KALRN: variants seen among roughly 807,000 people sequenced by gnomAD.
KALRN encodes the protein kalirin RhoGEF kinase, also known as kalirin.
In KALRN, 70 loss-of-function variants were observed where a neutral mutation model predicts 353.7. That is an observed-to-expected ratio of 0.20 (90% CI 0.16 to 0.24). KALRN has a LOEUF of 0.24. KALRN is among the 10% of genes least tolerant of loss of function. The probability of loss-of-function intolerance (pLI) is 1.00; values close to 1 mark genes in which losing one functional copy is unlikely to be tolerated. For missense variants in KALRN, 2,791 were observed against 3,756.7 expected, an observed-to-expected ratio of 0.74 and a Z score of 6.72; for synonymous variants, 1,391 against 1,434.8, an observed-to-expected ratio of 0.97 and a Z score of 0.69.
chr3:124,304,045 C>T (rs1318479461), intron 6 of KALRN, among the ~76,000 whole-genome samples: 2 of 151,752 alleles, frequency 1.3e-5, no homozygotes, highest in South Asian at 2.1e-4. Context: ...TCTTGGCAGC[C>T]CTAAACCATG....
chr3:124,642,612 G>A (rs1486471074), intron 37 of KALRN, among the ~76,000 whole-genome samples: 1 of 152,080 alleles, frequency 6.6e-6, no homozygotes, highest in Non-Finnish European at 1.5e-5. Flanking sequence ...GCCACAGCCA[G>A]GCTGTATTTG....
At chr3:124,417,867 A>G (rs1290298669) in intron 14 of KALRN, among the ~76,000 whole-genome samples, 1 of 152,234 alleles carries the variant, frequency 6.6e-6, no homozygotes, top group African/African-American at 2.4e-5. Context: ...GGCAACTAGT[A>G]TATTTTGTAC....
intron 5 of KALRN, among the ~76,000 whole-genome samples, chr3:124,272,691 C>A (rs1374026815): frequency 1.3e-5 from 2 of 152,142 alleles, no homozygotes; most frequent in African/African-American, 2.4e-5. Context: ...GAGGTTGAGT[C>A]AGTGGTGAAA....
intron 33 of KALRN, 73 bp downstream of exon 33, chr3:124,496,486 A>G (rs1207217646): frequency 8.1e-6 from 9 of 1,108,730 alleles, no homozygotes; most frequent in African/African-American, 3.1e-5. Flanking sequence ...AGGTACCCCT[A>G]GAGAATTTCT....
chr3:124,488,493 C>T (rs905251702), intron 29 of KALRN, 178 bp downstream of exon 29: 3 of 580,854 alleles, frequency 5.2e-6, no homozygotes, highest in Non-Finnish European at 9.2e-6. Context: ...ACCAATTTGG[C>T]TAGCACCCTG....
chr3:124,071,574 GAGGCTGAGA>G (rs998987744), intron 1 of KALRN, among the ~76,000 whole-genome samples: 1 of 152,190 alleles, frequency 6.6e-6, no homozygotes, highest in Admixed American at 6.5e-5. Context: ...CATAGTTCTG[GAGGCTGAGA>G]AGTCCAAGAT....
rs2084525420 is a variant in KALRN at position 124,659,399 on chromosome 3, T to C, written c.6158T>C (p.Leu2053Pro). 1.9e-6 allele frequency: 3 copies of C among 1,613,944 alleles called. No homozygotes were observed. Among genetic ancestry groups the C allele is most frequent in the Non-Finnish European group, 2.5e-6 (3 of 1,179,808 alleles). The change falls in exon 43 of 60, where the codon CTG (leucine) becomes CCG (proline). Residue 2053 changes from leucine to proline, a missense_variant. Around this residue, in one of 11 missense-constraint regions of KALRN, gnomAD observed 1,065 missense variants for 1,156.4 expected, o/e 0.92. Coordinates refer to ENST00000682506, the MANE Select transcript of KALRN (RefSeq NM_001388419.1). ...CAGGAGATAAATCAGAGGCTGACACTGAGTGACTTCCTCATCAAGCCCATT... is the reference window on the plus strand; with the variant it reads ...CAGGAGATAAATCAGAGGCTGACACCGAGTGACTTCCTCATCAAGCCCATT... The part of the protein sequence containing the change: ...VKQEINQRLT[L>P]SDFLIKPIQR...
At chr3:124,484,004 T>C (rs1435863628) in intron 28 of KALRN, among the ~76,000 whole-genome samples, 2 of 152,266 alleles carry the variant, frequency 1.3e-5, no homozygotes, top group African/African-American at 4.8e-5. Flanking sequence ...TGAAATATCC[T>C]GCTGGTTGCT....
chr3:124,412,218 C>A (rs553293408), intron 13 of KALRN, among the ~76,000 whole-genome samples: 15 of 152,316 alleles, frequency 9.8e-5, no homozygotes, highest in Non-Finnish European at 8.8e-5. Flanking sequence ...CATCGTCTGT[C>A]TCCCTGTGTC....
At chr3:124,337,208 G>T (rs1227571980) in intron 9 of KALRN, among the ~76,000 whole-genome samples, 1 of 152,184 alleles carries the variant, frequency 6.6e-6, no homozygotes, top group Non-Finnish European at 1.5e-5. Context: ...AATAGGAGTG[G>T]TGAGAGAGGG....
intron 33 of KALRN, among the ~76,000 whole-genome samples, chr3:124,500,218 C>T (rs935075703): frequency 2.0e-5 from 3 of 152,140 alleles, no homozygotes; most frequent in African/African-American, 7.2e-5. Flanking sequence ...GAGTGTAGGA[C>T]TACTTTATGT....
At chr3:124,514,058 G>A (rs891129832) in intron 33 of KALRN, among the ~76,000 whole-genome samples, 2 of 152,150 alleles carry the variant, frequency 1.3e-5, no homozygotes, top group African/African-American at 4.8e-5. Flanking sequence ...ACCTGAAAGT[G>A]TGTTTCATGG....
intron 34 of KALRN, among the ~76,000 whole-genome samples, chr3:124,606,572 T>C (rs552810972): frequency 4.1e-4 from 62 of 152,354 alleles, no homozygotes; most frequent in African/African-American, 1.5e-3. Flanking sequence ...GTTTCTACTT[T>C]AAAATGTTTT....
chr3:124,260,734 G>T (rs1433061650), intron 3 of KALRN, among the ~76,000 whole-genome samples: 1 of 152,088 alleles, frequency 6.6e-6, no homozygotes, highest in Non-Finnish European at 1.5e-5. Context: ...GAGGGACAGA[G>T]CCCAGAATGG....
chr3:124,661,672 C>T (rs1049555903), intron 44 of KALRN, among the ~76,000 whole-genome samples, 179 bp from the exon 45 acceptor site: 3 of 152,312 alleles, frequency 2.0e-5, no homozygotes, highest in Admixed American at 6.5e-5. Flanking sequence ...AGGACCAACA[C>T]CCTCCCTCTA....
chr3:124,148,179 CAG>C (rs2067616922), intron 1 of KALRN, among the ~76,000 whole-genome samples: 1 of 152,140 alleles, frequency 6.6e-6, no homozygotes, highest in South Asian at 2.1e-4. Context: ...AGCAGGCCAT[CAG>C]GGGTTCAGTG....
intron 6 of KALRN, among the ~76,000 whole-genome samples, chr3:124,312,700 C>A (rs571489786): frequency 6.6e-6 from 1 of 152,216 alleles, no homozygotes; most frequent in Non-Finnish European, 1.5e-5. Flanking sequence ...ATTCAACAAA[C>A]TTTTGCTGTC....
Position 124,367,472 on chromosome 3 carries a change from C to A in KALRN, c.1771-17373C>A, listed in dbSNP as rs1194583375. Among the ~76,000 whole-genome samples, 3 of 98,436 alleles carry A rather than the reference C, an allele frequency of 3.0e-5. 1 individual carries two copies. Among genetic ancestry groups the A allele is most frequent in the Non-Finnish European group, 6.1e-5 (3 of 49,320 alleles). 64.6% of individuals were successfully genotyped at this position (98,436 alleles called of 152,430 possible). On this transcript the variant is annotated intron_variant, in intron 10 of 59. Transcript: ENST00000682506. ...TGGCCAGGCGGGGGGCTGACCCCCC[C>A]ACCTCCCTCCCGGACGGGGCAGCTG...
chr3:124,662,074 C>T (rs534220152), intron 45 of KALRN, 146 bp downstream of exon 45: 173 of 679,126 alleles, frequency 2.5e-4, no homozygotes, highest in Middle Eastern at 1.6e-3. Flanking sequence ...CCCTCTGGTT[C>T]ACAGTCCTGG....
Sources: gnomAD v4.1 joint callset for allele counts (sites outside exome capture counted in the v4.1 genomes callset) on GRCh38, gnomAD v4.1.1 for gene constraint, gnomAD v4.1.1 regional missense constraint, MANE v1.5 for transcripts, NCBI Gene and HGNC (gene_info 2026-07-23, HGNC 2026-07-21) for gene names.